The following RERE variants were observed in gnomAD, a reference collection of about 807,000 sequenced individuals.
RERE encodes the protein arginine-glutamic acid dipeptide repeats protein.
Under a neutral mutation model 146.1 loss-of-function variants are expected in RERE, and 40 were observed. That is an observed-to-expected ratio of 0.27 (90% CI 0.21 to 0.36). The LOEUF is 0.36. Among genes scored for constraint, RERE ranks in the 10% least tolerant of loss-of-function variants. The pLI is 1.00. For synonymous variants in RERE, 1,003 were observed against 866.0 expected, an observed-to-expected ratio of 1.16 and a Z score of -2.78; for missense variants, 1,933 against 2,138.7, an observed-to-expected ratio of 0.90 and a Z score of 1.90.
intron 11 of RERE, among the ~76,000 whole-genome samples, chr1:8,448,083 C>G (rs1464777973): frequency 6.6e-6 from 1 of 152,154 alleles, no homozygotes; most frequent in African/African-American, 2.4e-5. Context: ...TCTGGGCATC[C>G]AAGTCCACCA....
At chr1:8,706,927 T>C (rs1434206823) in intron 1 of RERE, among the ~76,000 whole-genome samples, 1 of 152,182 alleles carries the variant, frequency 6.6e-6, no homozygotes, top group African/African-American at 2.4e-5. Context: ...GAAAAAGTAA[T>C]AGGAAGAATA....
intron 12 of RERE, among the ~76,000 whole-genome samples, chr1:8,371,932 T>G (rs915858166): frequency 6.6e-6 from 1 of 152,124 alleles, no homozygotes; most frequent in African/African-American, 2.4e-5. Flanking sequence ...GTGAGCAGGG[T>G]CTCCTCCCAG....
intron 1 of RERE, among the ~76,000 whole-genome samples, chr1:8,808,794 G>C (rs995419961): frequency 1.3e-5 from 2 of 152,164 alleles, no homozygotes; most frequent in Non-Finnish European, 2.9e-5. Flanking sequence ...TGCATCTCCA[G>C]AGAGAGATTT....
intron 1 of RERE, among the ~76,000 whole-genome samples, chr1:8,697,389 C>G (rs1404162946): frequency 2.3e-5 from 3 of 132,436 alleles, no homozygotes; most frequent in Admixed American, 7.7e-5. Context: ...ACACCCCCCC[C>G]ACACAACTTT....
intron 7 of RERE, among the ~76,000 whole-genome samples, chr1:8,509,403 T>G (rs1317305374): frequency 2.2e-5 from 2 of 92,850 alleles, no homozygotes; most frequent in Non-Finnish European, 4.9e-5. Flanking sequence ...TACTGAGCCA[T>G]CCATCCATCC....
chr1:8,643,696 G>A (rs1290752843), intron 2 of RERE, among the ~76,000 whole-genome samples: 1 of 152,170 alleles, frequency 6.6e-6, no homozygotes, highest in Non-Finnish European at 1.5e-5. Context: ...GCAGTAATCT[G>A]GGGGTTTTTG....
intron 7 of RERE, among the ~76,000 whole-genome samples, chr1:8,526,781 G>T (rs908954153): frequency 6.6e-6 from 1 of 152,128 alleles, no homozygotes; most frequent in Non-Finnish European, 1.5e-5. Flanking sequence ...ACAAACACAT[G>T]AACATCCAAA....
intron 12 of RERE, among the ~76,000 whole-genome samples, chr1:8,381,567 C>G (rs1190004615): frequency 2.0e-5 from 3 of 152,254 alleles, no homozygotes; most frequent in African/African-American, 7.2e-5. Context: ...TTACGAGAAT[C>G]AAAATTATTC....
intron 7 of RERE, chr1:8,525,889 G>A: frequency 6.9e-7 from 1 of 1,442,608 alleles, no homozygotes; most frequent in South Asian, 1.5e-5. Context: ...GGCACATGCA[G>A]TCTCAGAGAC....
At chr1:8,392,743 T>TTG (rs1642926187) in intron 12 of RERE, among the ~76,000 whole-genome samples, 1 of 152,206 alleles carries the variant, frequency 6.6e-6, no homozygotes, top group Non-Finnish European at 1.5e-5. Flanking sequence ...TGCTGCAAGG[T>TTG]TGTGCTGAAA....
chr1:8,741,551 C>T (rs999107302), intron 1 of RERE, among the ~76,000 whole-genome samples: 3 of 152,150 alleles, frequency 2.0e-5, no homozygotes, highest in Non-Finnish European at 4.4e-5. Flanking sequence ...TCATAAGATC[C>T]GATCTGATGG....
At chr1:8,521,893 C>T (rs538167021) in intron 7 of RERE, among the ~76,000 whole-genome samples, 1 of 152,140 alleles carries the variant, frequency 6.6e-6, no homozygotes, top group Non-Finnish European at 1.5e-5. Context: ...TTGGCCCCTG[C>T]CCCAAAAGCT....
intron 20 of RERE, among the ~76,000 whole-genome samples, chr1:8,357,797 G>C (rs1439718117): frequency 6.6e-6 from 1 of 152,240 alleles, no homozygotes; most frequent in East Asian, 1.9e-4. Context: ...GAAGAGGACT[G>C]TGCTTTTCAT....
In RERE at chr1:8,361,394, C is replaced by T; in HGVS notation, c.2113G>A (p.Asp705Asn). 2 of 1,613,824 alleles carry T rather than the reference C, an allele frequency of 1.2e-6. No individual in the cohort carries two copies. The highest frequency in any genetic ancestry group is 1.7e-6 in the Non-Finnish European group (2 of 1,179,870). The change falls in exon 18 of 23, where the codon GAC becomes AAC. Residue 705 changes from aspartate to asparagine, a missense_variant. Transcript: ENST00000400908. ...GGGGACGTGCTGCGATTGTCCTGGT[C>T]GATGTCTTTGGGGTCACTGCTACCC... ...DEGSSDPKDI[D>N]QDNRSTSPSI...
At chr1:8,409,902 C>G (rs1351480453) in intron 12 of RERE, among the ~76,000 whole-genome samples, 1 of 150,910 alleles carries the variant, frequency 6.6e-6, no homozygotes, top group Non-Finnish European at 1.5e-5. Context: ...AATCTTTGCT[C>G]AGGTCCATTC....
intron 10 of RERE, among the ~76,000 whole-genome samples, chr1:8,472,790 T>C (rs1040299230): frequency 6.6e-6 from 1 of 151,862 alleles, no homozygotes; most frequent in Admixed American, 6.6e-5. Context: ...GCAACCACTA[T>C]AGCAGGATGT....
chr1:8,361,068 T>C lies in RERE; in HGVS notation c.2439A>G (p.Ser813=). 2.1e-6 allele frequency: 3 copies of C among 1,432,490 alleles called. No homozygotes were observed. Among genetic ancestry groups the C allele is most frequent in the South Asian group, 1.5e-5 (1 of 67,590 alleles). 88.7% of individuals were successfully genotyped at this position (1,432,490 alleles called of 1,614,324 possible). The change falls in exon 18 of 23, where the codon TCA becomes TCG. Residue 813 remains serine, a synonymous_variant. Coordinates refer to ENST00000400908, the MANE Select transcript of RERE (RefSeq NM_001042681.2). ...APALHPQRPP[S]PHPPPHPSPH... ...GCGAGGGATGCGGCGGGGGATGCGG[T>C]GAGGGCGGCCGCTGGGGGTGCAAGG...
intron 11 of RERE, among the ~76,000 whole-genome samples, chr1:8,428,078 G>A (rs539298688): frequency 6.6e-6 from 1 of 152,320 alleles, no homozygotes; most frequent in South Asian, 2.1e-4. Flanking sequence ...AAGGTCTCAT[G>A]AATTATTTCT....
In RERE at chr1:8,647,824, TG is replaced by T. The variant is rs377135349; in HGVS notation, c.325+8148del. Among the ~76,000 whole-genome samples, 447 of 152,302 alleles carry T rather than the reference TG, an allele frequency of 2.9e-3. 4 individuals carry two copies. The highest frequency in any genetic ancestry group is 0.01 in the African/African-American group (426 of 41,558). On this transcript the variant is annotated intron_variant, in intron 2 of 22. Transcript: ENST00000400908. Reference sequence around the variant, plus strand: ...CACTTGCAGCCTCCACAGACCTCAGTGAAGACGCAGTAGCTAAATGTTAGGA... The same window carrying T: ...CACTTGCAGCCTCCACAGACCTCAGTAAGACGCAGTAGCTAAATGTTAGGA...
Sources: allele counts gnomAD v4.1 joint callset (sites outside exome capture counted in the v4.1 genomes callset), GRCh38; gene constraint gnomAD v4.1.1; transcripts MANE v1.5; gene names NCBI Gene and HGNC (gene_info 2026-07-23, HGNC 2026-07-21).